PREX1: variants seen among roughly 807,000 people sequenced by gnomAD.
PREX1 encodes phosphatidylinositol-3,4,5-trisphosphate dependent Rac exchange factor 1, also known as phosphatidylinositol 3,4,5-trisphosphate-dependent Rac exchanger 1 protein.
PREX1 carries 41 observed loss-of-function variants against 198.3 expected under a neutral mutation model. The observed-to-expected ratio is 0.21, with a 90% CI of 0.16 to 0.27. PREX1 has a LOEUF of 0.27. Ranked by LOEUF, PREX1 falls within the 10% of genes least tolerant of loss-of-function variation. The pLI, the probability that PREX1 is intolerant of heterozygous loss-of-function variation, is 1.00. For synonymous variants in PREX1, 843 were observed against 887.2 expected, an observed-to-expected ratio of 0.95 and a Z score of 0.89; for missense variants, 1,620 against 2,200.7, an observed-to-expected ratio of 0.74 and a Z score of 5.28.
chr20:48,863,412 C>G, the PREX1 span, among the ~76,000 whole-genome samples: 1 of 152,088 alleles, frequency 6.6e-6, no homozygotes, highest in Admixed American at 6.6e-5. Flanking sequence ...TTTCACTGCC[C>G]TAAAATTCTC....
At position 48,630,768 on chromosome 20, in the gene PREX1, A is replaced by G; in HGVS notation, c.4553T>C (p.Leu1518Pro). Residue 1518 changes from leucine (L) to proline (P), a missense_variant, in exon 36 of 40, where the codon CTG becomes CCG. Around this residue, in one of 7 missense-constraint regions of PREX1, gnomAD observed 476 missense variants for 603.4 expected, o/e 0.79. Transcript: ENST00000371941. ...CGCCGTGGTGCTGGCATCCGTGGGC[A>G]GGTTAGACCGCTCCAGGTAAAATGC... ...LRAFYLERSN[L>P]PTDASTTAVK... is the part of the protein sequence containing the mutation. 1 of 1,595,756 alleles carries G rather than the reference A, an allele frequency of 6.3e-7. No homozygotes were observed. Among genetic ancestry groups the G allele is most frequent in the Non-Finnish European group, 8.6e-7 (1 of 1,163,476 alleles).
chr20:48,644,410 A>G lies in PREX1; in HGVS notation c.3600T>C (p.Ser1200=), dbSNP rs780100287. 3 of 1,613,232 alleles carry G rather than the reference A, an allele frequency of 1.9e-6. No homozygotes were observed. Among genetic ancestry groups the G allele is most frequent in the East Asian group, 4.5e-5 (2 of 44,862 alleles). ...SSYLGSDEMG[S]GDELPCDMRI... is the part of the protein sequence containing the mutation. ...ACAGGCCGCTGCCACTCCACTCACCAGACCCCATCTCGTCGCTGCCCAAGT... is the reference window on the plus strand; with the variant it reads ...ACAGGCCGCTGCCACTCCACTCACCGGACCCCATCTCGTCGCTGCCCAAGT... The change falls in exon 27 of 40, where the codon TCT becomes TCC. Residue 1200 remains serine, a splice_region_variant and synonymous_variant. Transcript: ENST00000371941.
At chr20:48,774,120 G>A (rs956713046) in intron 1 of PREX1, among the ~76,000 whole-genome samples, 1 of 152,226 alleles carries the variant, frequency 6.6e-6, no homozygotes, top group Non-Finnish European at 1.5e-5. Context: ...GTGGTTTGGG[G>A]GGCGGGTAGA....
chr20:48,877,354 T>C, the PREX1 span, among the ~76,000 whole-genome samples: 5 of 152,216 alleles, frequency 3.3e-5, no homozygotes, highest in East Asian at 9.6e-4. Flanking sequence ...ACTTCAGGCA[T>C]GGATAGATCT....
Position 48,827,220 on chromosome 20 carries a change from G to C in PREX1, c.219+422C>G, listed in dbSNP as rs1326542134. Among the ~76,000 whole-genome samples the C allele has an allele frequency of 6.6e-6, 1 of 152,208 alleles. No individual in the cohort carries two copies. Among genetic ancestry groups the C allele is most frequent in the East Asian group, 1.9e-4 (1 of 5,200 alleles). ...CAACGCGCAGGGACGTTGGGCTCTG[G>C]GGCTCCTACGGTATGTCCTAGATGA... On this transcript the variant is annotated intron_variant, in intron 1 of 39. Coordinates refer to ENST00000371941, the MANE Select transcript of PREX1 (RefSeq NM_020820.4). The surrounding 1 kb of genome is among the most constrained non-coding windows in gnomAD (Gnocchi z 4.1).
chr20:48,726,610 C>G (rs1457151416), intron 4 of PREX1, among the ~76,000 whole-genome samples: 1 of 152,232 alleles, frequency 6.6e-6, no homozygotes, highest in Non-Finnish European at 1.5e-5. Flanking sequence ...ATTAGAAACA[C>G]AGCCACATCC....
Position 48,629,597 on chromosome 20 carries a change from C to T in PREX1, c.4618G>A (p.Asp1540Asn). 6.2e-7 allele frequency: 1 copy of T among 1,614,090 alleles called. No homozygotes were observed. The highest frequency in any genetic ancestry group is 8.5e-7 in the Non-Finnish European group (1 of 1,179,980). ...GACTTCATGAGGCGGCAGAGCTCAT[C>T]CAGGGCATTGATGGGGCGGATCAGC... ...DQLIRPINALDELCRLMKSFV... is the reference protein window; with the variant it reads ...DQLIRPINALNELCRLMKSFV... Residue 1540 changes from aspartate to asparagine, a missense_variant, in exon 37 of 40, where the codon GAT becomes AAT. By Grantham distance (23) the Asp-to-Asn change is conservative. Transcript: ENST00000371941.
At chr20:48,700,972 T>C in intron 6 of PREX1, 86 bp from the exon 7 acceptor site, 1 of 1,563,190 alleles carries the variant, frequency 6.4e-7, no homozygotes. Flanking sequence ...TACCACCTCC[T>C]GCCACATGCC....
At position 48,761,832 on chromosome 20, in the gene PREX1, G is replaced by C. The variant is rs145555279; in HGVS notation, c.220-13952C>G. Among the ~76,000 whole-genome samples, 406 of 152,290 alleles carry C rather than the reference G, an allele frequency of 2.7e-3. 2 individuals are homozygous for C. Among genetic ancestry groups the C allele is most frequent in the African/African-American group, 8.4e-3 (349 of 41,550 alleles). ...GCATCATTCCTTTGGCCTGCAGAGGGGTTTGAGAAACTTGGGCCTAAGTTT... is the reference window on the plus strand; with the variant it reads ...GCATCATTCCTTTGGCCTGCAGAGGCGTTTGAGAAACTTGGGCCTAAGTTT... On this transcript the variant is annotated intron_variant, in intron 1 of 39. Transcript: ENST00000371941.
At chr20:48,799,484 G>A (rs898341068) in intron 1 of PREX1, among the ~76,000 whole-genome samples, 1 of 152,208 alleles carries the variant, frequency 6.6e-6, no homozygotes, top group African/African-American at 2.4e-5. Flanking sequence ...GCCCTGCCCC[G>A]AGCAGCGCGG....
At chr20:48,701,496 G>A (rs1245419004) in intron 6 of PREX1, among the ~76,000 whole-genome samples, 1 of 152,046 alleles carries the variant, frequency 6.6e-6, no homozygotes, top group South Asian at 2.1e-4. Flanking sequence ...TTACAGACAT[G>A]AGCCACCACG....
At chr20:48,660,935 C>T (rs998141653) in intron 15 of PREX1, among the ~76,000 whole-genome samples, 1 of 152,186 alleles carries the variant, frequency 6.6e-6, no homozygotes, top group African/African-American at 2.4e-5. Flanking sequence ...ACTCAGTCCC[C>T]GCAGGCCAAA....
intron 36 of PREX1, among the ~76,000 whole-genome samples, chr20:48,630,497 T>C (rs544584292): frequency 1.3e-5 from 2 of 152,268 alleles, no homozygotes; most frequent in South Asian, 4.1e-4. Context: ...ATAAGGCGGA[T>C]TGGAGTGGCA....
chr20:48,679,303 G>GA lies in PREX1; in HGVS notation c.1589+56_1589+57insT. On this transcript the variant is annotated intron_variant, in intron 13 of 39. Transcript: ENST00000371941. ...CAGAGAGGTTAAGTTGCCAGCCCAA[G>GA]GCCACACAGCTGAGAAGAGGTAGAG... 9.9e-6 allele frequency: 15 copies of GA among 1,520,250 alleles called. No individual in the cohort carries two copies. The Middle Eastern group carries it at 5.1e-4, about 52-fold the overall frequency. The allele number at this position is 1,520,250 out of a possible 1,614,324, so 94.2% of individuals were successfully genotyped here.
chr20:48,688,612 G>T (rs1449974062), intron 10 of PREX1, 45 bp downstream of exon 10: 1 of 1,611,692 alleles, frequency 6.2e-7, no homozygotes, highest in Admixed American at 1.7e-5. Flanking sequence ...CCCACCTCCA[G>T]CTGAGAGCCC....
chr20:48,847,794 C>G, the PREX1 span, among the ~76,000 whole-genome samples: 4 of 152,232 alleles, frequency 2.6e-5, no homozygotes, highest in Admixed American at 2.0e-4. Context: ...CCCGGGTCCC[C>G]TTCCAGTCAG....
At chr20:48,757,790 T>C (rs1448602079) in intron 1 of PREX1, among the ~76,000 whole-genome samples, 3 of 152,204 alleles carry the variant, frequency 2.0e-5, no homozygotes, top group African/African-American at 7.2e-5. Flanking sequence ...CCTGGGCACA[T>C]TTCCTTGGCA....
intron 16 of PREX1, among the ~76,000 whole-genome samples, chr20:48,658,992 G>T (rs1359108262): frequency 1.3e-5 from 2 of 151,976 alleles, no homozygotes; most frequent in Non-Finnish European, 2.9e-5. Context: ...ACTTTGGGAG[G>T]CCGAGACGGG....
chr20:48,737,607 C>A (rs936016820), intron 3 of PREX1, among the ~76,000 whole-genome samples: 2 of 152,154 alleles, frequency 1.3e-5, no homozygotes, highest in Non-Finnish European at 2.9e-5. Context: ...CCCCAGGGAC[C>A]ATAAGTGAGC....
Sources: gnomAD v4.1 joint callset for allele counts (sites outside exome capture counted in the v4.1 genomes callset) on GRCh38, gnomAD v4.1.1 for gene constraint, gnomAD v4.1.1 regional missense constraint, Gnocchi (gnomAD v3.1) non-coding constraint, MANE v1.5 for transcripts, NCBI Gene and HGNC (gene_info 2026-07-23, HGNC 2026-07-21) for gene names.